TAFA5: variants seen among roughly 807,000 people sequenced by gnomAD.
The protein encoded by TAFA5 is chemokine-like protein TAFA-5.
TAFA5 carries 6 observed loss-of-function variants against 15.3 expected under a neutral mutation model. The observed-to-expected ratio is 0.39, with a 90% CI of 0.21 to 0.77. TAFA5 has a LOEUF of 0.77. TAFA5 is among the 30% of genes least tolerant of loss of function. The probability of loss-of-function intolerance (pLI) is 0.41; values close to 1 mark genes in which losing one functional copy is unlikely to be tolerated. For missense variants in TAFA5, 161 were observed against 193.1 expected (o/e 0.83, Z 0.98); for synonymous variants, 103 against 80.7 (o/e 1.28, Z -1.48).
chr22:48,635,729 G>T (rs1328786541), intron 1 of TAFA5, among the ~76,000 whole-genome samples: 1 of 152,186 alleles, frequency 6.6e-6, no homozygotes, highest in East Asian at 1.9e-4. Context: ...AGAAGGAAGG[G>T]GTTTCTGGGG....
At chr22:48,631,177 G>A (rs931862420) in intron 1 of TAFA5, among the ~76,000 whole-genome samples, 2 of 152,202 alleles carry the variant, frequency 1.3e-5, no homozygotes, top group Non-Finnish European at 2.9e-5. Context: ...CCATCTGCTG[G>A]GAGAGGCAGG....
intron 1 of TAFA5, among the ~76,000 whole-genome samples, chr22:48,587,676 G>T (rs1924410130): frequency 6.6e-6 from 1 of 152,194 alleles, no homozygotes; most frequent in Non-Finnish European, 1.5e-5. Flanking sequence ...CCAGGCCCTG[G>T]CTCTCTGGCC....
At chr22:48,558,926 T>C (rs1369411271) in intron 1 of TAFA5, among the ~76,000 whole-genome samples, 2 of 152,168 alleles carry the variant, frequency 1.3e-5, no homozygotes, top group Admixed American at 6.5e-5. Flanking sequence ...AAATTCACAA[T>C]AAGCAGGTGC....
intron 1 of TAFA5, among the ~76,000 whole-genome samples, chr22:48,638,393 A>G (rs1569058959): frequency 6.6e-4 from 41 of 62,308 alleles, no homozygotes; most frequent in Non-Finnish European, 9.6e-4. Context: ...CACCGCACAC[A>G]GGGGGGACCC....
chr22:48,562,566 G>T (rs902207238), intron 1 of TAFA5, among the ~76,000 whole-genome samples: 1 of 152,168 alleles, frequency 6.6e-6, no homozygotes, highest in Non-Finnish European at 1.5e-5. Flanking sequence ...TCCCCACCAG[G>T]GTGAGCATCT....
intron 1 of TAFA5, among the ~76,000 whole-genome samples, chr22:48,610,133 T>G (rs751623338): frequency 1.3e-5 from 2 of 152,084 alleles, no homozygotes; most frequent in Non-Finnish European, 2.9e-5. Flanking sequence ...CAAGAGAACC[T>G]AAGGTCGGCT....
intron 1 of TAFA5, among the ~76,000 whole-genome samples, chr22:48,607,120 G>T (rs188352048): frequency 5.9e-5 from 9 of 152,372 alleles, no homozygotes; most frequent in South Asian, 2.1e-4. Flanking sequence ...GCCCGGTCCC[G>T]TTAGCCTCGG....
chr22:48,547,615 T>G (rs985655903), intron 1 of TAFA5, among the ~76,000 whole-genome samples: 1 of 151,672 alleles, frequency 6.6e-6, no homozygotes, highest in African/African-American at 2.4e-5. Flanking sequence ...TGCTGCCTTA[T>G]GTACCGGCCC....
intron 3 of TAFA5, among the ~76,000 whole-genome samples, chr22:48,712,242 A>G (rs1206102427): frequency 6.6e-6 from 1 of 152,158 alleles, no homozygotes; most frequent in Non-Finnish European, 1.5e-5. Flanking sequence ...GTTTTAGTAG[A>G]GGCAGGGTTT....
intron 1 of TAFA5, among the ~76,000 whole-genome samples, chr22:48,497,314 A>T (rs552542397): frequency 6.6e-6 from 1 of 152,244 alleles, no homozygotes; most frequent in African/African-American, 2.4e-5. Context: ...GGGTTCTTCC[A>T]TCTTCAGGGA....
intron 2 of TAFA5, among the ~76,000 whole-genome samples, chr22:48,648,443 C>T (rs539038812): frequency 5.3e-5 from 8 of 152,256 alleles, no homozygotes; most frequent in South Asian, 2.1e-4. Context: ...CCTGCTGCTA[C>T]GTGGGTGCTG....
intron 1 of TAFA5, among the ~76,000 whole-genome samples, chr22:48,588,272 T>G (rs1247638299): frequency 1.3e-5 from 2 of 152,174 alleles, no homozygotes; most frequent in Non-Finnish European, 2.9e-5. Context: ...CCTTTGCTCC[T>G]CAGGCCACCT....
intron 3 of TAFA5, among the ~76,000 whole-genome samples, chr22:48,738,721 T>G (rs887480478): frequency 3.9e-5 from 6 of 152,254 alleles, no homozygotes; most frequent in Non-Finnish European, 8.8e-5. Context: ...CAGGGTGTGT[T>G]AGTTTCCATG....
chr22:48,628,289 T>C (rs1361977487), intron 1 of TAFA5, among the ~76,000 whole-genome samples: 2 of 152,178 alleles, frequency 1.3e-5, no homozygotes, highest in Admixed American at 6.5e-5. Flanking sequence ...ACCCAGCTTG[T>C]GGGGGTGTCA....
chr22:48,656,666 T>A (rs898487169), intron 2 of TAFA5, among the ~76,000 whole-genome samples: 4 of 147,742 alleles, frequency 2.7e-5, no homozygotes, highest in African/African-American at 7.5e-5. Flanking sequence ...TAAAGTAGAA[T>A]ATAGAAAAAT....
At chr22:48,641,323 C>T (rs1367823649) in intron 1 of TAFA5, among the ~76,000 whole-genome samples, 1 of 152,142 alleles carries the variant, frequency 6.6e-6, no homozygotes, top group Non-Finnish European at 1.5e-5. Flanking sequence ...ATATGATCAA[C>T]CCATATGCAG....
intron 2 of TAFA5, among the ~76,000 whole-genome samples, chr22:48,700,766 T>C (rs982481133): frequency 6.6e-6 from 1 of 152,204 alleles, no homozygotes; most frequent in African/African-American, 2.4e-5. Flanking sequence ...GGACACTCAG[T>C]AGCAAGAGCC....
At chr22:48,695,714 C>A (rs931539245) in intron 2 of TAFA5, among the ~76,000 whole-genome samples, 1 of 152,112 alleles carries the variant, frequency 6.6e-6, no homozygotes, top group South Asian at 2.1e-4. Context: ...GGCAAGGGCA[C>A]CTGGCCAGGG....
chr22:48,634,783 A>C (rs975005838), intron 1 of TAFA5, among the ~76,000 whole-genome samples: 18 of 152,174 alleles, frequency 1.2e-4, no homozygotes, highest in African/African-American at 4.1e-4. Flanking sequence ...TCATTTAGTC[A>C]CTCACTCATT....
Sources: allele counts gnomAD v4.1 joint callset (sites outside exome capture counted in the v4.1 genomes callset), GRCh38; gene constraint gnomAD v4.1.1; transcripts MANE v1.5; gene names NCBI Gene and HGNC (gene_info 2026-07-23, HGNC 2026-07-21).